EHHADH: variants seen among roughly 807,000 people sequenced by gnomAD.
The protein encoded by EHHADH is peroxisomal bifunctional enzyme.
In EHHADH, 48 loss-of-function variants were observed where a neutral mutation model predicts 64.4. That is an observed-to-expected ratio of 0.75 (90% confidence interval 0.59 to 0.95). EHHADH has a LOEUF of 0.95. Among genes scored for constraint, EHHADH ranks in the 40% least tolerant of loss-of-function variants. The pLI is 0.00. For synonymous variants in EHHADH, 308 were observed against 326.7 expected, an observed-to-expected ratio of 0.94 and a Z score of 0.62; for missense variants, 854 against 876.6, an observed-to-expected ratio of 0.97 and a Z score of 0.33.
At chr3:185,203,808 G>C (rs1463152804) in intron 6 of EHHADH, among the ~76,000 whole-genome samples, 2 of 152,020 alleles carry the variant, frequency 1.3e-5, no homozygotes, top group African/African-American at 4.8e-5. Flanking sequence ...AGGAAATCCA[G>C]GAATGAGAGA....
chr3:185,204,132 C>CAAAAA (rs1220063126), intron 6 of EHHADH, among the ~76,000 whole-genome samples: 1 of 30,514 alleles, frequency 3.3e-5, no homozygotes. Flanking sequence ...GACTCTGTCT[C>CAAAAA]AAAAAAAAAA....
rs11927618 is a variant in EHHADH, at chr3:185,192,254, A to G, written c.2144T>C (p.Leu715Ser). ...CAATTTACTGCTAGGGGAGCCTGCCAAGCTTTGCCATTCTTTCAGGGGAGG... is the reference window on the plus strand; with the variant it reads ...CAATTTACTGCTAGGGGAGCCTGCCGAGCTTTGCCATTCTTTCAGGGGAGG... The part of the protein sequence containing the change: ...GNPPLKEWQS[L>S]AGSPSSKL Residue 715 changes from leucine (L) to serine (S), a missense_variant, in exon 7 of 7, where the codon TTG becomes TCG. By Grantham distance (145) the Leu-to-Ser change is moderately radical (BLOSUM62 -2). Transcript: ENST00000231887. 4.1e-3 allele frequency: 6,675 copies of G among 1,613,810 alleles called. 230 individuals carry two copies. In the African/African-American group the frequency reaches 0.08, roughly 19 times the overall value.
chr3:185,221,916 T>C (rs1032693072), intron 4 of EHHADH, among the ~76,000 whole-genome samples: 9 of 152,138 alleles, frequency 5.9e-5, no homozygotes, highest in African/African-American at 9.7e-5. Context: ...ATACACAATT[T>C]TATATCATGG....
Position 185,253,995 on chromosome 3 carries a change from C to A in EHHADH, c.28G>T (p.Ala10Ser). 1 of 1,613,904 alleles carries A rather than the reference C, an allele frequency of 6.2e-7. No homozygotes were observed. The highest frequency in any genetic ancestry group is 8.5e-7 in the Non-Finnish European group (1 of 1,179,914). ...TTTCGGAGGCGGATTAGCGCCAAGGCGTTGTGCAGCCGCGTATACTCGGCC... is the reference window on the plus strand; with the variant it reads ...TTTCGGAGGCGGATTAGCGCCAAGGAGTTGTGCAGCCGCGTATACTCGGCC... Reference protein sequence around the residue: MAEYTRLHNALALIRLRNPP... With the variant: MAEYTRLHNSLALIRLRNPP... Residue 10 changes from alanine (A) to serine (S), a missense_variant, in exon 1 of 7, where the codon GCC becomes TCC. By Grantham distance (99) the Ala-to-Ser change is moderately conservative (BLOSUM62 1). Transcript: ENST00000231887.
rs754524310 is a variant in EHHADH, at chr3:185,235,281, G to C, written c.351+9C>G. 9 of 1,605,660 alleles carry C rather than the reference G, an allele frequency of 5.6e-6. No individual in the cohort carries two copies. Among genetic ancestry groups the C allele is most frequent in the Non-Finnish European group, 6.8e-6 (8 of 1,176,350 alleles). ...CACACCAGCCACTATATAGAGCCTT[G>C]GTTGTTACCTCTGCGTGGGCAATCC... On this transcript the variant is annotated intron_variant, in intron 3 of 6. Coordinates refer to ENST00000231887, the MANE Select transcript of EHHADH (RefSeq NM_001966.4).
chr3:185,246,243 T>A, intron 2 of EHHADH: 1 of 895,260 alleles, frequency 1.1e-6, no homozygotes, highest in Admixed American at 2.2e-5. Flanking sequence ...ATCTAGATCA[T>A]CAGAAGCATC....
intron 5 of EHHADH, among the ~76,000 whole-genome samples, chr3:185,214,389 C>T (rs552012668): frequency 6.6e-6 from 1 of 152,160 alleles, no homozygotes; most frequent in Admixed American, 6.5e-5. Context: ...GTTAAGGTCC[C>T]GTAGCTAAAG....
Position 185,192,931 on chromosome 3 carries a change from G to C in EHHADH, c.1467C>G (p.Tyr489Ter). The change falls in exon 7 of 7, where the codon TAC (tyrosine) becomes TAG (stop). Residue 489 changes from tyrosine (Y) to a stop codon, truncating the protein, a stop_gained. Transcript: ENST00000231887. LOFTEE classifies it high-confidence loss of function. Reference sequence around the variant, plus strand: ...CTTCTAACAAGAAATATGCCTGATTGTAGTAAGGATTCAACATTCGATTCC... The same window carrying C: ...CTTCTAACAAGAAATATGCCTGATTCTAGTAAGGATTCAACATTCGATTCC... The part of the protein sequence containing the change: ...FVGNRMLNPY[Y>*]NQAYFLLEEG... The C allele has an allele frequency of 5.0e-6, 8 of 1,613,968 alleles. No homozygotes were observed. The highest frequency in any genetic ancestry group is 5.9e-6 in the Non-Finnish European group (7 of 1,179,940).
chr3:185,226,123 C>T (rs1207147662), intron 4 of EHHADH, among the ~76,000 whole-genome samples: 2 of 152,154 alleles, frequency 1.3e-5, no homozygotes, highest in Non-Finnish European at 2.9e-5. Context: ...CAAGCTTCTT[C>T]CCATACTGAA....
chr3:185,208,256 C>T (rs1037552505), intron 5 of EHHADH, among the ~76,000 whole-genome samples: 5 of 152,192 alleles, frequency 3.3e-5, no homozygotes, highest in African/African-American at 7.2e-5. Flanking sequence ...ACAGCCCATA[C>T]GGAACTGAAT....
At chr3:185,248,198 T>C (rs1719647421) in intron 2 of EHHADH, 1 of 505,500 alleles carries the variant, frequency 2.0e-6, no homozygotes, top group Non-Finnish European at 3.5e-6. Context: ...CTAAATATAC[T>C]CTAAAAGCCC....
At chr3:185,194,422 G>C (rs1717998996) in intron 6 of EHHADH, among the ~76,000 whole-genome samples, 1 of 152,118 alleles carries the variant, frequency 6.6e-6, no homozygotes, top group African/African-American at 2.4e-5. Flanking sequence ...AGACCAGCCT[G>C]ACCAACATGG....
In EHHADH at chr3:185,253,944, G is replaced by T; in HGVS notation, c.74+5C>A. On this transcript the variant is annotated splice_donor_5th_base_variant and intron_variant, in intron 1 of 6. Coordinates refer to ENST00000231887, the MANE Select transcript of EHHADH (RefSeq NM_001966.4). Reference sequence around the variant, plus strand: ...CCCCGGGCTGGAGGCGACCGAGCCCGTTACCTGATCGCGTTGACCGGCGGG... The same window carrying T: ...CCCCGGGCTGGAGGCGACCGAGCCCTTTACCTGATCGCGTTGACCGGCGGG... The T allele has an allele frequency of 6.2e-7, 1 of 1,614,100 alleles. No individual in the cohort carries two copies.
chr3:185,227,947 C>T (rs1005791620), intron 4 of EHHADH, among the ~76,000 whole-genome samples: 5 of 151,804 alleles, frequency 3.3e-5, no homozygotes, highest in African/African-American at 1.2e-4. Context: ...CGCCACATCA[C>T]CCTATAGTAG....
chr3:185,228,627 G>A (rs1325899560), intron 4 of EHHADH, among the ~76,000 whole-genome samples: 13 of 151,410 alleles, frequency 8.6e-5, no homozygotes, highest in East Asian at 7.9e-4. Flanking sequence ...GCCGTGAGCC[G>A]AGATCATGCC....
intron 1 of EHHADH, among the ~76,000 whole-genome samples, chr3:185,249,661 T>A (rs922590760): frequency 5.3e-5 from 8 of 152,208 alleles, no homozygotes; most frequent in African/African-American, 1.9e-4. Flanking sequence ...TCCACCATGA[T>A]TGTAAGTTTC....
intron 6 of EHHADH, among the ~76,000 whole-genome samples, chr3:185,197,823 GTCTC>G (rs1718106268): frequency 6.6e-6 from 1 of 152,080 alleles, no homozygotes; most frequent in Non-Finnish European, 1.5e-5. Context: ...TTGAGATGGA[GTCTC>G]TCTCTGTCAC....
At chr3:185,226,201 TAA>T (rs1488463756) in intron 4 of EHHADH, among the ~76,000 whole-genome samples, 1 of 152,182 alleles carries the variant, frequency 6.6e-6, no homozygotes. Context: ...CGGTAGGTCA[TAA>T]AAGACACTGT....
chr3:185,246,163 T>A, intron 2 of EHHADH: 5 of 1,057,898 alleles, frequency 4.7e-6, no homozygotes, highest in Non-Finnish European at 7.3e-6. Context: ...TACAACTTCT[T>A]CAGCTTCATC....
Sources: allele counts gnomAD v4.1 joint callset (sites outside exome capture counted in the v4.1 genomes callset), GRCh38; gene constraint gnomAD v4.1.1; transcripts MANE v1.5; gene names NCBI Gene and HGNC (gene_info 2026-07-23, HGNC 2026-07-21).